Variants in ZDHHC21 observed in about 807,000 individuals in gnomAD.
The protein encoded by ZDHHC21 is zDHHC palmitoyltransferase 21, also known as palmitoyltransferase ZDHHC21.
A neutral mutation model predicts 34.6 loss-of-function variants in ZDHHC21; 15 were observed. The ratio of observed to expected loss-of-function variants is 0.43; its 90% CI spans 0.29 to 0.67. ZDHHC21 has a LOEUF of 0.67. Among genes scored for constraint, ZDHHC21 ranks in the 30% least tolerant of loss-of-function variants. ZDHHC21 has a pLI of 0.14. For missense variants in ZDHHC21, 344 were observed against 327.7 expected (o/e 1.05, Z -0.38); for synonymous variants, 142 against 101.8 (o/e 1.40, Z -2.38).
chr9:14,661,430 A>G (rs1311247539), intron 6 of ZDHHC21, among the ~76,000 whole-genome samples: 1 of 152,212 alleles, frequency 6.6e-6, no homozygotes, highest in Non-Finnish European at 1.5e-5. Flanking sequence ...TACAAACATA[A>G]ATACTACATA....
chr9:14,642,764 T>C (rs997947451), intron 7 of ZDHHC21, among the ~76,000 whole-genome samples: 1 of 152,234 alleles, frequency 6.6e-6, no homozygotes, highest in Non-Finnish European at 1.5e-5. Context: ...GCCTACAGAA[T>C]GTGAGAAAAT....
chr9:14,630,808 A>G (rs1827200947), intron 8 of ZDHHC21, among the ~76,000 whole-genome samples: 1 of 152,220 alleles, frequency 6.6e-6, no homozygotes, highest in African/African-American at 2.4e-5. Context: ...GAGCAGTAAT[A>G]TTACGAAAGG....
At position 14,665,314 on chromosome 9, in the gene ZDHHC21, A is replaced by C. The variant is rs1178045295; in HGVS notation, c.254-2988T>G. On this transcript the variant is annotated intron_variant, in intron 5 of 9. Transcript: ENST00000380916. ...GTTTAGAGAAAAAAGAATAAAAAGA[A>C]ATGAGCAAAGCCTCCAAGAAATATG... 4.3e-3 allele frequency among the ~76,000 whole-genome samples: 598 copies of C among 138,016 alleles called. 4 individuals are homozygous for C. The highest frequency in any genetic ancestry group is 0.015 in the African/African-American group (559 of 36,316). 90.5% of individuals were successfully genotyped at this position (138,016 alleles called of 152,430 possible). A position where few individuals can be genotyped will look rare whatever the true frequency, so the allele number is the denominator to read the frequency against.
intron 7 of ZDHHC21, among the ~76,000 whole-genome samples, chr9:14,649,705 T>C (rs950350882): frequency 4.6e-5 from 7 of 152,080 alleles, no homozygotes; most frequent in Admixed American, 3.9e-4. Context: ...TTGGTAATCA[T>C]ATGTATGCAA....
chr9:14,620,854 T>G (rs535368409), intron 8 of ZDHHC21, among the ~76,000 whole-genome samples: 2 of 152,194 alleles, frequency 1.3e-5, no homozygotes, highest in South Asian at 4.1e-4. Context: ...TAAAAAGTTA[T>G]AGATTAGCTA....
At chr9:14,673,017 T>A in intron 4 of ZDHHC21, 89 bp from the exon 5 acceptor site, 1 of 800,136 alleles carries the variant, frequency 1.2e-6, no homozygotes, top group East Asian at 2.8e-5. Context: ...ATGTATATTT[T>A]AACAAACACC....
At chr9:14,664,479 G>C (rs985765453) in intron 5 of ZDHHC21, among the ~76,000 whole-genome samples, 7 of 151,830 alleles carry the variant, frequency 4.6e-5, no homozygotes, top group African/African-American at 1.7e-4. Context: ...CAAAGCAGCC[G>C]GGAAGCTCGA....
chr9:14,664,505 C>T (rs1834033471), intron 5 of ZDHHC21, among the ~76,000 whole-genome samples: 1 of 151,804 alleles, frequency 6.6e-6, no homozygotes, highest in Non-Finnish European at 1.5e-5. Flanking sequence ...CTGGAGCCCA[C>T]CACAGCTCAA....
chr9:14,594,312 C>A, the ZDHHC21 span: 1 of 152,122 alleles, frequency 6.6e-6, no homozygotes, highest in Non-Finnish European at 1.5e-5. Flanking sequence ...TTTATACTAC[C>A]TGAACTCAAA....
downstream of ZDHHC21, among the ~76,000 whole-genome samples, chr9:14,609,692 T>C (rs1409341478): frequency 1.3e-5 from 2 of 152,080 alleles, no homozygotes; most frequent in Non-Finnish European, 2.9e-5. Context: ...TAATTTTGTA[T>C]GGCTAAAAGA....
the ZDHHC21 span, among the ~76,000 whole-genome samples, chr9:14,603,308 TAGG>T: frequency 1.6e-4 from 25 of 152,230 alleles, no homozygotes; most frequent in Non-Finnish European, 3.1e-4. Context: ...TTATGTCAAA[TAGG>T]AGGAGTTACC....
the ZDHHC21 span, among the ~76,000 whole-genome samples, chr9:14,601,110 A>T: frequency 6.6e-6 from 1 of 152,224 alleles, no homozygotes; most frequent in Non-Finnish European, 1.5e-5. Context: ...CATGACTAAA[A>T]CACCAAAAGC....
chr9:14,619,182 T>C (rs1447936675), intron 9 of ZDHHC21, 84 bp from the exon 10 acceptor site: 15 of 1,401,704 alleles, frequency 1.1e-5, no homozygotes, highest in Non-Finnish European at 1.3e-5. Flanking sequence ...TGGCTGGGGA[T>C]CCATTACTGG....
At chr9:14,644,528 G>A (rs985258383) in intron 7 of ZDHHC21, among the ~76,000 whole-genome samples, 1 of 151,868 alleles carries the variant, frequency 6.6e-6, no homozygotes. Flanking sequence ...AGGGGGTCGG[G>A]AAGAAAGACC....
At position 14,633,359 on chromosome 9, in the gene ZDHHC21, C is replaced by T. The variant is rs1351945102; in HGVS notation, c.621+6537G>A. 2.6e-5 allele frequency among the ~76,000 whole-genome samples: 4 copies of T among 152,226 alleles called. No individual in the cohort carries two copies. The South Asian group carries it at 6.2e-4, about 24-fold the overall frequency. On this transcript the variant is annotated intron_variant, in intron 8 of 9. Transcript: ENST00000380916. ...GAAAAGGGTAAGTCAGTGACCCCTA[C>T]TGCCCAACATTCCCACTGCAGACTC...
chr9:14,602,538 T>C, the ZDHHC21 span, among the ~76,000 whole-genome samples: 9 of 151,412 alleles, frequency 5.9e-5, no homozygotes, highest in Non-Finnish European at 8.8e-5. Context: ...ACACACCATA[T>C]AGTCAAACTG....
At chr9:14,646,005 A>G (rs1830223039) in intron 7 of ZDHHC21, among the ~76,000 whole-genome samples, 1 of 152,158 alleles carries the variant, frequency 6.6e-6, no homozygotes, top group Admixed American at 6.6e-5. Context: ...AACACTATCT[A>G]AAGGAACATA....
intron 7 of ZDHHC21, among the ~76,000 whole-genome samples, chr9:14,655,135 A>T (rs1050780885): frequency 6.6e-6 from 1 of 152,112 alleles, no homozygotes; most frequent in Non-Finnish European, 1.5e-5. Context: ...AACATATTTC[A>T]TTGGAGTAAC....
rs912163028 is a variant in ZDHHC21, at chr9:14,611,315, T to A, written c.*7651A>T. ...GACTTTTCATCTAAACAAATACATC[T>A]CAGCTACATGGTTCCCACTTGTCAT... On this transcript the variant is annotated 3_prime_UTR_variant, in exon 10 of 10. Transcript: ENST00000380916. The A allele has an allele frequency of 6.6e-6, 1 of 151,958 alleles. No individual in the cohort carries two copies. Among genetic ancestry groups the A allele is most frequent in the Non-Finnish European group, 1.5e-5 (1 of 67,922 alleles). The allele number at this position is 151,958 out of a possible 1,614,324, so 9.4% of individuals were successfully genotyped here. A position where few individuals can be genotyped will look rare whatever the true frequency, so the allele number is the denominator to read the frequency against.
Sources: gnomAD v4.1 joint callset for allele counts (sites outside exome capture counted in the v4.1 genomes callset) on GRCh38, gnomAD v4.1.1 for gene constraint, MANE v1.5 for transcripts, NCBI Gene and HGNC (gene_info 2026-07-23, HGNC 2026-07-21) for gene names.